RNF2: variants seen among roughly 807,000 people sequenced by gnomAD.
RNF2 encodes the protein E3 ubiquitin-protein ligase RING2.
A neutral mutation model predicts 37.2 loss-of-function variants in RNF2; 6 were observed. That is an observed-to-expected ratio of 0.16 (90% CI 0.09 to 0.32). The LOEUF is 0.32. Among genes scored for constraint, RNF2 ranks in the 10% least tolerant of loss-of-function variants. The probability of loss-of-function intolerance (pLI) is 1.00; values close to 1 mark genes in which losing one functional copy is unlikely to be tolerated. For synonymous variants in RNF2, 133 were observed against 132.7 expected, an observed-to-expected ratio of 1.00 and a Z score of -0.02; for missense variants, 251 against 404.0, an observed-to-expected ratio of 0.62 and a Z score of 3.25.
chr1:185,072,344 T>C (rs1029434844), intron 1 of RNF2, among the ~76,000 whole-genome samples: 1 of 152,130 alleles, frequency 6.6e-6, no homozygotes, highest in African/African-American at 2.4e-5. Context: ...GATGAGTTCT[T>C]AAGCAAATAT....
chr1:185,076,228 T>C (rs1173877956), intron 1 of RNF2, among the ~76,000 whole-genome samples: 1 of 149,560 alleles, frequency 6.7e-6, no homozygotes, highest in African/African-American at 2.4e-5. Context: ...GTATCTTGCT[T>C]TTAGGCTGCC....
At chr1:185,078,535 A>G (rs1651243737) in intron 1 of RNF2, among the ~76,000 whole-genome samples, 1 of 152,188 alleles carries the variant, frequency 6.6e-6, no homozygotes. Flanking sequence ...CTCATAAAGT[A>G]TCAGCATTAG....
chr1:185,051,847 ATAT>A (rs895071772), intron 1 of RNF2, among the ~76,000 whole-genome samples: 13 of 149,248 alleles, frequency 8.7e-5, no homozygotes, highest in African/African-American at 2.4e-4. Flanking sequence ...ATGTATATAC[ATAT>A]TATATATACA....
intron 1 of RNF2, among the ~76,000 whole-genome samples, chr1:185,080,984 A>G (rs147769690): frequency 7.2e-5 from 11 of 152,304 alleles, no homozygotes; most frequent in East Asian, 3.9e-4. Context: ...AATCCCTCCA[A>G]TGGATTTTTA....
intron 1 of RNF2, among the ~76,000 whole-genome samples, chr1:185,055,857 T>C (rs1310821389): frequency 8.1e-6 from 1 of 123,976 alleles, no homozygotes; most frequent in Non-Finnish European, 1.7e-5. Context: ...TTAAAATTTT[T>C]AGTTAGCATA....
At chr1:185,091,465 TG>T in intron 2 of RNF2, 113 bp from the exon 3 acceptor site, 1 of 958,378 alleles carries the variant, frequency 1.0e-6, no homozygotes, top group Non-Finnish European at 1.5e-6. Context: ...TGGCAGTGGC[TG>T]GGTGATGGGT....
At chr1:185,089,620 A>G (rs1367823906) in intron 2 of RNF2, among the ~76,000 whole-genome samples, 1 of 152,164 alleles carries the variant, frequency 6.6e-6, no homozygotes, top group Non-Finnish European at 1.5e-5. Flanking sequence ...GGGAGGGTAG[A>G]AGTGACAAAA....
At position 185,059,857 on chromosome 1, in the gene RNF2, G is replaced by T. The variant is rs1215572906; in HGVS notation, c.-3+14208G>T. 3.9e-5 allele frequency among the ~76,000 whole-genome samples: 6 copies of T among 152,318 alleles called. No homozygotes were observed. In the South Asian group the frequency reaches 1.2e-3, roughly 32 times the overall value. On this transcript the variant is annotated intron_variant, in intron 1 of 6. Coordinates refer to ENST00000367510, the MANE Select transcript of RNF2 (RefSeq NM_007212.4). ...GGTTATTCCAGTTCCTGTTAGAAGA[G>T]TGTAGAGGTATTAGCCTTCAACTTT...
chr1:185,051,862 G>A (rs894174574), intron 1 of RNF2, among the ~76,000 whole-genome samples: 3 of 146,046 alleles, frequency 2.1e-5, no homozygotes, highest in African/African-American at 7.6e-5. Flanking sequence ...ATATATACAT[G>A]CATATATATA....
chr1:185,088,521 A>T (rs1195166783), intron 2 of RNF2, among the ~76,000 whole-genome samples: 1 of 150,536 alleles, frequency 6.6e-6, no homozygotes, highest in Non-Finnish European at 1.5e-5. Context: ...GCGCCATTGC[A>T]CTCCAGCCTG....
chr1:185,073,121 T>C (rs1002826157), intron 1 of RNF2, among the ~76,000 whole-genome samples: 1 of 151,918 alleles, frequency 6.6e-6, no homozygotes, highest in Admixed American at 6.6e-5. Context: ...TGTCAGTGTT[T>C]ATAGCTACGT....
At chr1:185,076,713 C>T (rs1216051123) in intron 1 of RNF2, among the ~76,000 whole-genome samples, 1 of 151,654 alleles carries the variant, frequency 6.6e-6, no homozygotes, top group Admixed American at 6.6e-5. Flanking sequence ...TTAAAATACC[C>T]TAAATTCACA....
At chr1:185,074,981 C>CTG (rs1175480441) in intron 1 of RNF2, among the ~76,000 whole-genome samples, 4 of 151,780 alleles carry the variant, frequency 2.6e-5, no homozygotes, top group African/African-American at 9.7e-5. Context: ...ATATATAGTT[C>CTG]CGTGTGTGTG....
At chr1:185,058,024 T>C (rs1650486604) in intron 1 of RNF2, among the ~76,000 whole-genome samples, 1 of 151,870 alleles carries the variant, frequency 6.6e-6, no homozygotes, top group African/African-American at 2.4e-5. Flanking sequence ...ACTCAGGAGG[T>C]TGAGGTGGGA....
intron 1 of RNF2, among the ~76,000 whole-genome samples, chr1:185,075,346 C>G (rs773208098): frequency 3.3e-5 from 5 of 152,116 alleles, no homozygotes; most frequent in Non-Finnish European, 7.4e-5. Context: ...TAGCTTGATT[C>G]AACCATTTTC....
chr1:185,046,969 C>T (rs1404295914), intron 1 of RNF2, among the ~76,000 whole-genome samples: 3 of 152,176 alleles, frequency 2.0e-5, no homozygotes, highest in Non-Finnish European at 4.4e-5. Context: ...ATTTAAATAG[C>T]AGCAATATGA....
intron 1 of RNF2, among the ~76,000 whole-genome samples, chr1:185,072,895 G>C (rs1351536792): frequency 6.6e-6 from 1 of 152,140 alleles, no homozygotes; most frequent in African/African-American, 2.4e-5. Flanking sequence ...AGCCGAGATT[G>C]TGCCACTGCA....
intron 4 of RNF2, among the ~76,000 whole-genome samples, chr1:185,095,745 C>A (rs1651892760): frequency 6.6e-6 from 1 of 152,132 alleles, no homozygotes; most frequent in African/African-American, 2.4e-5. Context: ...CTGGGTTTGT[C>A]TTATGTTGAA....
intron 1 of RNF2, among the ~76,000 whole-genome samples, chr1:185,071,239 T>A (rs1182614660): frequency 6.6e-6 from 1 of 152,190 alleles, no homozygotes; most frequent in African/African-American, 2.4e-5. Flanking sequence ...TTCTGGTTTT[T>A]ATCCTTGTCT....
Sources: gnomAD v4.1 joint callset for allele counts (sites outside exome capture counted in the v4.1 genomes callset) on GRCh38, gnomAD v4.1.1 for gene constraint, MANE v1.5 for transcripts, NCBI Gene and HGNC (gene_info 2026-07-23, HGNC 2026-07-21) for gene names.